Variants in GFM1 observed in about 807,000 individuals in gnomAD.
GFM1 encodes the protein elongation factor G, mitochondrial.
GFM1 carries 62 observed loss-of-function variants against 96.2 expected under a neutral mutation model. That is an observed-to-expected ratio of 0.64 (90% CI 0.53 to 0.80). GFM1 has a LOEUF of 0.80. GFM1 is among the 30% of genes least tolerant of loss of function. The pLI is 0.00. For synonymous variants in GFM1, 282 were observed against 312.9 expected, an observed-to-expected ratio of 0.90 and a Z score of 1.04; for missense variants, 852 against 916.6, an observed-to-expected ratio of 0.93 and a Z score of 0.91.
At chr3:158,654,008 G>C (rs1722520344) in intron 7 of GFM1, among the ~76,000 whole-genome samples, 1 of 151,926 alleles carries the variant, frequency 6.6e-6, no homozygotes, top group South Asian at 2.1e-4. Flanking sequence ...CGGGGCAGAG[G>C]CTGCAGTGAG....
At chr3:158,681,926 A>G in intron 13 of GFM1, 69 bp from the exon 14 acceptor site, 2 of 1,248,702 alleles carry the variant, frequency 1.6e-6, no homozygotes, top group South Asian at 2.6e-5. Context: ...TGTTCTTTTA[A>G]ATTAATAGGA....
intron 5 of GFM1, chr3:158,649,382 A>T: frequency 5.0e-6 from 2 of 397,260 alleles, no homozygotes; most frequent in South Asian, 2.4e-5. Flanking sequence ...TACCCATATC[A>T]CATTATGGCA....
intron 12 of GFM1, among the ~76,000 whole-genome samples, chr3:158,665,922 A>G (rs570883891): frequency 1.3e-5 from 2 of 152,338 alleles, no homozygotes; most frequent in South Asian, 2.1e-4. Context: ...GTATTGATAT[A>G]TAAGTAAAAA....
At chr3:158,677,815 T>G (rs1313213169) in intron 13 of GFM1, among the ~76,000 whole-genome samples, 1 of 152,240 alleles carries the variant, frequency 6.6e-6, no homozygotes, top group East Asian at 1.9e-4. Flanking sequence ...CAACAGAGAT[T>G]TTCAGTGTAG....
At chr3:158,683,632 C>T (rs957099029) in intron 14 of GFM1, among the ~76,000 whole-genome samples, 6 of 152,208 alleles carry the variant, frequency 3.9e-5, no homozygotes, top group African/African-American at 1.4e-4. Flanking sequence ...GCTCAAGACA[C>T]AGCTAGTGAA....
At chr3:158,661,244 A>G (rs1249255635) in intron 10 of GFM1, among the ~76,000 whole-genome samples, 14 of 152,202 alleles carry the variant, frequency 9.2e-5, no homozygotes, top group Admixed American at 9.2e-4. Context: ...AGGAGGAAAT[A>G]TCTCCACCAG....
At chr3:158,657,775 T>C (rs1722883603) in intron 8 of GFM1, among the ~76,000 whole-genome samples, 1 of 152,160 alleles carries the variant, frequency 6.6e-6, no homozygotes, top group Non-Finnish European at 1.5e-5. Context: ...TGCACAATCC[T>C]TTCTTCCTTT....
At chr3:158,652,283 A>T in intron 6 of GFM1, 37 bp downstream of exon 6, 1 of 1,597,330 alleles carries the variant, frequency 6.3e-7, no homozygotes, top group Non-Finnish European at 8.6e-7. Flanking sequence ...GTTAACAACA[A>T]AAAGAAGTCG....
intron 13 of GFM1, among the ~76,000 whole-genome samples, chr3:158,668,261 T>C (rs1333867480): frequency 1.3e-5 from 2 of 152,212 alleles, no homozygotes; most frequent in Non-Finnish European, 2.9e-5. Context: ...TTAAATCATC[T>C]CTAGATTACT....
intron 13 of GFM1, among the ~76,000 whole-genome samples, chr3:158,675,494 T>C (rs999565571): frequency 3.3e-5 from 5 of 152,068 alleles, no homozygotes; most frequent in African/African-American, 9.7e-5. Flanking sequence ...TATTACATAA[T>C]GATAAAATAT....
At position 158,656,185 on chromosome 3, in the gene GFM1, C is replaced by T. The variant is rs570599111; in HGVS notation, c.1083+1554C>T. The T allele has an allele frequency of 1.7e-4, 39 of 229,108 alleles. No individual in the cohort carries two copies. In the South Asian group the frequency reaches 2.1e-3, roughly 12 times the overall value. The allele number at this position is 229,108 out of a possible 1,614,324, so 14.2% of individuals were successfully genotyped here. ...TTTATTTTTTTGAGATGAGATTTCG[C>T]TCTTGTTGCCCAGGCTGGAGTGCAA... On this transcript the variant is annotated intron_variant, in intron 8 of 17. Transcript: ENST00000486715.
At chr3:158,647,930 C>T (rs6781342) in intron 4 of GFM1, among the ~76,000 whole-genome samples, 87,881 of 151,920 alleles carry the variant, frequency 0.58, 26,229 homozygotes, top group African/African-American at 0.73. Context: ...GACCTTCATG[C>T]CTTGTCTTTT....
rs377307549 is a variant in GFM1 at position 158,664,365 on chromosome 3, TC to T, written c.1381-971del. ...TAATGTTGTTTTCCTTTCTGGAGGC[TC>T]TATGGGAGAATTTCTCTCCTTCTTA... On this transcript the variant is annotated intron_variant, in intron 11 of 17. Coordinates refer to ENST00000486715, the MANE Select transcript of GFM1 (RefSeq NM_024996.7). 5.6e-4 allele frequency among the ~76,000 whole-genome samples: 85 copies of T among 152,338 alleles called. 2 individuals are homozygous for T. In the East Asian group the frequency reaches 0.013, roughly 24 times the overall value.
In GFM1 at chr3:158,652,258, C is replaced by T. The variant is rs185807995; in HGVS notation, c.840+12C>T. The T allele has an allele frequency of 4.3e-6, 7 of 1,612,708 alleles. No homozygotes were observed. In the South Asian group the frequency reaches 7.7e-5, roughly 18 times the overall value. On this transcript the variant is annotated intron_variant, in intron 6 of 17. Transcript: ENST00000486715. ...TTTCTGATTTAAAGGCAAGTGCTTT[C>T]AAAATAAGTCTTATGTTAACAACAA...
At chr3:158,654,345 T>G (rs1407068789) in intron 7 of GFM1, among the ~76,000 whole-genome samples, 3 of 151,768 alleles carry the variant, frequency 2.0e-5, no homozygotes, top group South Asian at 2.1e-4. Context: ...TCCCAAAGTG[T>G]GGGCATTATA....
intron 13 of GFM1, among the ~76,000 whole-genome samples, chr3:158,678,109 C>G (rs751422764): frequency 6.6e-6 from 1 of 152,148 alleles, no homozygotes; most frequent in Non-Finnish European, 1.5e-5. Flanking sequence ...TGTTTAAAAT[C>G]CATTGCTTAG....
Position 158,644,563 on chromosome 3 carries a change from G to C in GFM1, c.-72G>C. ...ATTGGCTGCCGGCGTGACTTTGACC[G>C]CTTCCCGGTGCGTTACCGGCAGCTG... On this transcript the variant is annotated 5_prime_UTR_variant, in exon 1 of 18. Coordinates refer to ENST00000486715, the MANE Select transcript of GFM1 (RefSeq NM_024996.7). 7.8e-7 allele frequency: 1 copy of C among 1,286,686 alleles called. No individual in the cohort carries two copies. 79.7% of individuals were successfully genotyped at this position (1,286,686 alleles called of 1,614,324 possible). A position where few individuals can be genotyped will look rare whatever the true frequency, so the allele number is the denominator to read the frequency against.
At chr3:158,682,233 T>G (rs1725453005) in intron 14 of GFM1, 76 bp downstream of exon 14, 1 of 1,208,278 alleles carries the variant, frequency 8.3e-7, no homozygotes, top group South Asian at 1.3e-5. Flanking sequence ...ATACTTTGTC[T>G]TCCATCATGT....
At chr3:158,685,259 A>G (rs1292931922) in intron 15 of GFM1, 7 of 152,360 alleles carry the variant, frequency 4.6e-5, no homozygotes, top group Admixed American at 1.3e-4. Context: ...TTCGCTTTTA[A>G]GAGAAAAAAA....
Sources: allele counts gnomAD v4.1 joint callset (sites outside exome capture counted in the v4.1 genomes callset), GRCh38; gene constraint gnomAD v4.1.1; transcripts MANE v1.5; gene names NCBI Gene and HGNC (gene_info 2026-07-23, HGNC 2026-07-21).